JARID2: variants seen among roughly 807,000 people sequenced by gnomAD.
JARID2 encodes jumonji and AT-rich interaction domain containing 2.
Under a neutral mutation model 125.6 loss-of-function variants are expected in JARID2, and 21 were observed. The observed-to-expected ratio is 0.17, with a 90% confidence interval of 0.12 to 0.24. The LOEUF is 0.24. JARID2 is among the 10% of genes least tolerant of loss of function. The probability of loss-of-function intolerance (pLI) is 1.00; values close to 1 mark genes in which losing one functional copy is unlikely to be tolerated. For missense variants in JARID2, 1,303 were observed against 1,639.6 expected, an observed-to-expected ratio of 0.79 and a Z score of 3.55; for synonymous variants, 736 against 661.6, an observed-to-expected ratio of 1.11 and a Z score of -1.73.
intron 1 of JARID2, among the ~76,000 whole-genome samples, chr6:15,287,649 G>A (rs1761054150): frequency 6.6e-6 from 1 of 152,198 alleles, no homozygotes; most frequent in Non-Finnish European, 1.5e-5. Context: ...CAGAACCTCT[G>A]AGAATCTCTT....
intron 12 of JARID2, among the ~76,000 whole-genome samples, chr6:15,509,760 C>A (rs749405042): frequency 6.6e-6 from 1 of 152,170 alleles, no homozygotes; most frequent in African/African-American, 2.4e-5. Context: ...GAGTTTCTTC[C>A]GTGTGGGTTT....
chr6:15,453,305 T>C (rs1404494221), intron 4 of JARID2, among the ~76,000 whole-genome samples: 1 of 152,256 alleles, frequency 6.6e-6, no homozygotes, highest in Non-Finnish European at 1.5e-5. Flanking sequence ...TCATTGTTTG[T>C]CTTTGACCTC....
chr6:15,511,281 C>T lies in JARID2; in HGVS notation c.2847-15C>T. ...TCAAGTCTCTGCTTGTCTCTTGTGT[C>T]TCTCAATGACCCAGGTATTGCATTC... On this transcript the variant is annotated splice_polypyrimidine_tract_variant and intron_variant, in intron 12 of 17. Coordinates refer to ENST00000341776, the MANE Select transcript of JARID2 (RefSeq NM_004973.4). 1 of 1,577,850 alleles carries T rather than the reference C, an allele frequency of 6.3e-7. No homozygotes were observed. The highest frequency in any genetic ancestry group is 8.7e-7 in the Non-Finnish European group (1 of 1,146,982).
intron 1 of JARID2, among the ~76,000 whole-genome samples, chr6:15,313,917 A>T (rs922099128): frequency 2.0e-5 from 3 of 152,162 alleles, no homozygotes; most frequent in Admixed American, 6.5e-5. Flanking sequence ...TGTCTCCCCA[A>T]ATATCCTTAT....
intron 1 of JARID2, chr6:15,368,745 G>C (rs772251269): frequency 2.1e-6 from 1 of 487,088 alleles, no homozygotes; most frequent in East Asian, 5.8e-5. Flanking sequence ...TATTTATATA[G>C]ACATCTGAAT....
intron 1 of JARID2, among the ~76,000 whole-genome samples, chr6:15,352,600 C>T (rs1046940878): frequency 6.6e-6 from 1 of 152,132 alleles, no homozygotes; most frequent in Non-Finnish European, 1.5e-5. Context: ...TCCTTTCCAC[C>T]TTACTCTCCC....
rs1446497684 is a variant in JARID2, at chr6:15,468,712, G to C, written c.664G>C (p.Gly222Arg). Residue 222 changes from glycine to arginine, a missense_variant, in exon 5 of 18, where the codon GGG becomes CGG. Physicochemically the swap from Gly to Arg is moderately radical, Grantham distance 125. Coordinates refer to ENST00000341776, the MANE Select transcript of JARID2 (RefSeq NM_004973.4). ...AAAAACCCACAAACATGTTCACAAC[G>C]GGCATGGTAGGTCCACCGTTGAACT... is the stretch of plus-strand genomic sequence containing the variant. ...KGKTHKHVHN[G>R]HVFNGSSRST... The C allele has an allele frequency of 1.2e-6, 2 of 1,610,238 alleles. No homozygotes were observed. The highest frequency in any genetic ancestry group is 1.3e-5 in the African/African-American group (1 of 74,618).
At chr6:15,376,696 C>T (rs1448328393) in intron 2 of JARID2, among the ~76,000 whole-genome samples, 1 of 152,182 alleles carries the variant, frequency 6.6e-6, no homozygotes, top group Non-Finnish European at 1.5e-5. Flanking sequence ...TGTATTCCAG[C>T]TTGGGCAACA....
At chr6:15,419,169 C>T (rs762409764) in intron 3 of JARID2, among the ~76,000 whole-genome samples, 1 of 152,058 alleles carries the variant, frequency 6.6e-6, no homozygotes, top group Non-Finnish European at 1.5e-5. Context: ...TTCTCTTAAC[C>T]CTTGATTTAT....
At chr6:15,409,242 G>T (rs1006163772) in intron 2 of JARID2, among the ~76,000 whole-genome samples, 5 of 152,156 alleles carry the variant, frequency 3.3e-5, no homozygotes, top group African/African-American at 1.2e-4. Flanking sequence ...GCATAAAATT[G>T]GTGGAAGGAC....
At chr6:15,513,896 A>G (rs1433526056) in intron 16 of JARID2, among the ~76,000 whole-genome samples, 4 of 152,090 alleles carry the variant, frequency 2.6e-5, no homozygotes, top group African/African-American at 7.2e-5. Flanking sequence ...CAGCTACATG[A>G]TCTGCCTCAG....
rs1771806387 is a variant in JARID2, at chr6:15,520,860, G to A, written c.*609G>A. ...TTCCTAACCATAGGTGGAACGAGGA[G>A]ACGGGAGCGAGTGGGCTCTCCACCA... On this transcript the variant is annotated 3_prime_UTR_variant, in exon 18 of 18. Coordinates refer to ENST00000341776, the MANE Select transcript of JARID2 (RefSeq NM_004973.4). 2.2e-6 allele frequency: 1 copy of A among 455,722 alleles called. No homozygotes were observed. The highest frequency in any genetic ancestry group is 2.4e-5 in the Admixed American group (1 of 42,548). The allele number at this position is 455,722 out of a possible 1,614,324, so 28.2% of individuals were successfully genotyped here.
intron 1 of JARID2, among the ~76,000 whole-genome samples, chr6:15,300,722 T>TGTGTGTGTGAGA (rs1246745065): frequency 1.8e-4 from 20 of 111,194 alleles, no homozygotes; most frequent in Non-Finnish European, 2.6e-4. Flanking sequence ...TGTGTGTGTG[T>TGTGTGTGTGAGA]GAGAGAGAGA....
intron 2 of JARID2, among the ~76,000 whole-genome samples, chr6:15,408,560 C>A (rs186687610): frequency 6.6e-6 from 1 of 152,106 alleles, no homozygotes. Context: ...AAACTACATA[C>A]GTAATTTTAG....
At chr6:15,456,272 T>A (rs1453686217) in intron 4 of JARID2, among the ~76,000 whole-genome samples, 1 of 152,204 alleles carries the variant, frequency 6.6e-6, no homozygotes, top group African/African-American at 2.4e-5. Flanking sequence ...AGAGAAAACA[T>A]TACCAAGTAA....
At position 15,468,559 on chromosome 6, in the gene JARID2, A is replaced by C; in HGVS notation, c.511A>C (p.Asn171His). The change falls in exon 5 of 18, where the codon AAC becomes CAC. Residue 171 changes from asparagine (N) to histidine (H), a missense_variant. Transcript: ENST00000341776. ...LCLRGSPALP[N>H]SMVYFGSSQD... ...TCCACCAGGTTCTCCTGCGCTGCCC[A>C]ACAGCATGGTGTATTTTGGAAGCTC... 1 of 1,613,966 alleles carries C rather than the reference A, an allele frequency of 6.2e-7. No individual in the cohort carries two copies. The highest frequency in any genetic ancestry group is 1.1e-5 in the South Asian group (1 of 91,072).
rs1469182946 is a variant in JARID2 at position 15,328,658 on chromosome 6, C to T, written c.46-45459C>T. 2.6e-5 allele frequency among the ~76,000 whole-genome samples: 4 copies of T among 152,146 alleles called. No individual in the cohort carries two copies. The South Asian group carries it at 8.3e-4, about 32-fold the overall frequency. The stretch of plus-strand genomic sequence containing the variant: ...AGTGTTAAAGCCAGGACCACAGCCT[C>T]GTTTACTCCAGACTTCAGAACATCC... On this transcript the variant is annotated intron_variant, in intron 1 of 17. Transcript: ENST00000341776.
chr6:15,442,133 C>T (rs1050272761), intron 3 of JARID2, among the ~76,000 whole-genome samples: 1 of 150,258 alleles, frequency 6.7e-6, no homozygotes, highest in Non-Finnish European at 1.5e-5. Flanking sequence ...GGAAGTAAAA[C>T]AGGATTCTCG....
At chr6:15,379,218 G>T (rs146146233) in intron 2 of JARID2, among the ~76,000 whole-genome samples, 1 of 152,016 alleles carries the variant, frequency 6.6e-6, no homozygotes, top group Admixed American at 6.6e-5. Context: ...GTTTTGAACA[G>T]CCTCATGAGT....
Sources: gnomAD v4.1 joint callset for allele counts (sites outside exome capture counted in the v4.1 genomes callset) on GRCh38, gnomAD v4.1.1 for gene constraint, MANE v1.5 for transcripts, NCBI Gene and HGNC (gene_info 2026-07-23, HGNC 2026-07-21) for gene names.